The following FH variants were observed in gnomAD, a reference collection of about 807,000 sequenced individuals.
The protein encoded by FH is fumarate hydratase, also known as fumarate hydratase, mitochondrial.
A neutral mutation model predicts 49.4 loss-of-function variants in FH; 22 were observed. The observed-to-expected ratio is 0.45, with a 90% CI of 0.32 to 0.64. The LOEUF (loss-of-function observed/expected upper bound fraction) is 0.64, where lower values mean the gene tolerates loss of function less well. Among genes scored for constraint, FH ranks in the 30% least tolerant of loss-of-function variants. FH has a pLI of 0.05. For synonymous variants in FH, 208 were observed against 223.0 expected, an observed-to-expected ratio of 0.93 and a Z score of 0.60; for missense variants, 526 against 641.5, an observed-to-expected ratio of 0.82 and a Z score of 1.95.
intron 9 of FH, among the ~76,000 whole-genome samples, chr1:241,498,394 C>T (rs760838934): frequency 6.6e-5 from 10 of 151,966 alleles, no homozygotes; most frequent in Non-Finnish European, 1.2e-4. Context: ...AAGCACTGCA[C>T]GTCTGGCAAC....
At position 241,502,495 on chromosome 1, in the gene FH, G is replaced by C; in HGVS notation, c.1184C>G (p.Thr395Ser). The change falls in exon 8 of 10, where the codon ACT becomes AGT. Residue 395 changes from threonine to serine, a missense_variant. Thr to Ser is a moderately conservative substitution (Grantham distance 58). This residue lies in a region of FH where 383 missense variants were observed against 514.0 expected (regional missense o/e 0.75). Coordinates refer to ENST00000366560, the MANE Select transcript of FH (RefSeq NM_000143.4). The stretch of plus-strand genomic sequence containing the variant: ...AAAATGTCCATTGCTGCCTCCGACA[G>C]TGACAGCAACATGGTTCCCCATGAC... ...AQVMGNHVAV[T>S]VGGSNGHFEL... 6.2e-7 allele frequency: 1 copy of C among 1,614,156 alleles called. No homozygotes were observed.
chr1:241,503,038 T>A (rs1659822556), intron 7 of FH, among the ~76,000 whole-genome samples: 1 of 152,110 alleles, frequency 6.6e-6, no homozygotes, highest in African/African-American at 2.4e-5. Context: ...AGCTAAAATT[T>A]TCCTATTTAT....
intron 4 of FH, 193 bp downstream of exon 4, chr1:241,511,774 G>C: frequency 3.5e-6 from 2 of 573,278 alleles, no homozygotes; most frequent in Non-Finnish European, 6.2e-6. Context: ...ACTAAATTCA[G>C]GTGTCCTAAA....
chr1:241,509,708 C>G (rs1454514073), intron 4 of FH, among the ~76,000 whole-genome samples: 1 of 151,616 alleles, frequency 6.6e-6, no homozygotes. Context: ...CTCAGCATTT[C>G]CAGGCTGCAG....
In FH at chr1:241,512,140, C is replaced by T. The variant is rs1553341620; in HGVS notation, c.382G>A (p.Ala128Thr). ...AAATGATCATTTAATTTACCTTCAG[C>T]TACCTGCAGAAAAAATGTTAAAAAT... is the stretch of plus-strand genomic sequence containing the variant. ...NAIMKAADEV[A>T]EGKLNDHFPL... Residue 128 changes from alanine to threonine, a missense_variant, in exon 4 of 10, where the codon GCT (alanine) becomes ACT (threonine). Physicochemically the swap from Ala to Thr is moderately conservative, Grantham distance 58. Around this residue, in one of 2 missense-constraint regions of FH, gnomAD observed 383 missense variants for 514.0 expected, o/e 0.75. Transcript: ENST00000366560. 1.2e-6 allele frequency: 2 copies of T among 1,613,162 alleles called. No individual in the cohort carries two copies. The highest frequency in any genetic ancestry group is 1.7e-6 in the Non-Finnish European group (2 of 1,179,348).
At chr1:241,513,165 G>A (rs1660133528) in intron 3 of FH, among the ~76,000 whole-genome samples, 1 of 151,950 alleles carries the variant, frequency 6.6e-6, no homozygotes, top group Non-Finnish European at 1.5e-5. Flanking sequence ...AAATAGTGCT[G>A]TAATTAACAA....
At chr1:241,512,955 C>T (rs10926499) in intron 3 of FH, among the ~76,000 whole-genome samples, 60,536 of 151,326 alleles carry the variant, frequency 0.4, 12,158 homozygotes, top group African/African-American at 0.44. Flanking sequence ...GAAACACACA[C>T]TTTCTGTTCA....
intron 6 of FH, 60 bp from the exon 7 acceptor site, chr1:241,504,305 A>G (rs1210098681): frequency 1.4e-6 from 2 of 1,480,644 alleles, no homozygotes; most frequent in Non-Finnish European, 1.9e-6. Context: ...TTTTTCTACC[A>G]TTAGCAAGTG....
At chr1:241,513,575 T>G in intron 3 of FH, 28 bp downstream of exon 3, 1 of 1,529,868 alleles carries the variant, frequency 6.5e-7, no homozygotes, top group Non-Finnish European at 9.1e-7. Flanking sequence ...TCTGAGGTTA[T>G]TAAGCAAACA....
chr1:241,508,818 G>A, intron 4 of FH, 33 bp from the exon 5 acceptor site: 1 of 1,590,294 alleles, frequency 6.3e-7, no homozygotes, highest in Non-Finnish European at 8.6e-7. Flanking sequence ...AATATAAAAT[G>A]TTAAATCAGA....
chr1:241,515,994 G>T (rs932829083), intron 2 of FH, among the ~76,000 whole-genome samples: 1 of 152,172 alleles, frequency 6.6e-6, no homozygotes, highest in African/African-American at 2.4e-5. Context: ...TTATATGTCA[G>T]ACATGGTTAA....
rs774493741 is a variant in FH at position 241,502,452 on chromosome 1, C to T, written c.1227G>A (p.Lys409=). ...SNGHFELNVF[K]PMMIKNVLHS... ...CAGATTTAAAGCTTACCATCATTGGCTTGAAAACATTCAACTCAAAATGTC... is the reference window on the plus strand; with the variant it reads ...CAGATTTAAAGCTTACCATCATTGGTTTGAAAACATTCAACTCAAAATGTC... The change falls in exon 8 of 10, where the codon AAG becomes AAA. Residue 409 remains lysine (K), a synonymous_variant. Transcript: ENST00000366560. 6 of 1,613,944 alleles carry T rather than the reference C, an allele frequency of 3.7e-6. No homozygotes were observed. In the Admixed American group the frequency reaches 1.0e-4, roughly 27 times the overall value.
chr1:241,501,660 T>A (rs1199763486), intron 8 of FH, among the ~76,000 whole-genome samples: 1 of 152,228 alleles, frequency 6.6e-6, no homozygotes, highest in Non-Finnish European at 1.5e-5. Flanking sequence ...TTGCATATTC[T>A]TATAAAATTA....
At chr1:241,502,039 T>C (rs1377434212) in intron 8 of FH, among the ~76,000 whole-genome samples, 1 of 152,166 alleles carries the variant, frequency 6.6e-6, no homozygotes, top group African/African-American at 2.4e-5. Context: ...CAATGCCAGC[T>C]GGACTGAGGT....
chr1:241,518,462 ATC>A (rs1257077936), intron 1 of FH, among the ~76,000 whole-genome samples: 1 of 152,258 alleles, frequency 6.6e-6, no homozygotes, highest in African/African-American at 2.4e-5. Flanking sequence ...AATACAAAAC[ATC>A]TCTGATTCTG....
chr1:241,501,042 G>C (rs779593598), intron 8 of FH, among the ~76,000 whole-genome samples: 3 of 152,118 alleles, frequency 2.0e-5, no homozygotes, highest in Non-Finnish European at 4.4e-5. Context: ...ATGAGTGTGA[G>C]GCAATTAGTA....
rs1291740270 is a variant in FH at position 241,508,623 on chromosome 1, C to G, written c.718G>C (p.Val240Leu). The G allele has an allele frequency of 6.2e-7, 1 of 1,613,776 alleles. No individual in the cohort carries two copies. Among genetic ancestry groups the G allele is most frequent in the Admixed American group, 1.7e-5 (1 of 60,006 alleles). The change falls in exon 5 of 10, where the codon GTT becomes CTT. Residue 240 changes from valine (V) to leucine (L), a missense_variant. Transcript: ENST00000366560. ...TATACCTGCCCAAGAGTAAGTGGAA[C>G]AGCATCCTGAGTATGAGTACGTCCA... ...KIGRTHTQDA[V>L]PLTLGQEFSG...
At chr1:241,501,170 AGTTT>A (rs1349341013) in intron 8 of FH, among the ~76,000 whole-genome samples, 1 of 152,174 alleles carries the variant, frequency 6.6e-6, no homozygotes, top group Non-Finnish European at 1.5e-5. Flanking sequence ...AAAATCAATT[AGTTT>A]GTTTTGGCTT....
chr1:241,519,719 A>G lies in FH; in HGVS notation c.4T>C (p.Tyr2His), dbSNP rs112335468. 83 of 1,543,388 alleles carry G rather than the reference A, an allele frequency of 5.4e-5. No homozygotes were observed. The African/African-American group carries it at 8.5e-4, about 16-fold the overall frequency. ...CGCGCGAGGAGCCGAAGTGCTCGGT[A>G]CATGGTGCTGAGGGAGCTTGGGTAG... The part of the protein sequence containing the change: M[Y>H]RALRLLARSR... The change falls in exon 1 of 10, where the codon TAC becomes CAC. Residue 2 changes from tyrosine (Y) to histidine (H), a missense_variant. Transcript: ENST00000366560.
Sources: gnomAD v4.1 joint callset for allele counts (sites outside exome capture counted in the v4.1 genomes callset) on GRCh38, gnomAD v4.1.1 for gene constraint, gnomAD v4.1.1 regional missense constraint, MANE v1.5 for transcripts, NCBI Gene and HGNC (gene_info 2026-07-23, HGNC 2026-07-21) for gene names.